The following EFHB variants were observed in gnomAD, a reference collection of about 807,000 sequenced individuals.
EFHB encodes the protein EF-hand domain-containing family member B.
EFHB carries 91 observed loss-of-function variants against 87.2 expected under a neutral mutation model. The observed-to-expected ratio is 1.04, with a 90% CI of 0.88 to 1.24. The LOEUF (loss-of-function observed/expected upper bound fraction) is 1.24. Ranked by LOEUF, EFHB falls within the 50% of genes most tolerant of loss-of-function variation. The pLI is 0.00. For missense variants in EFHB, 1,084 were observed against 998.8 expected (o/e 1.09, Z -1.15); for synonymous variants, 325 against 333.6 (o/e 0.97, Z 0.28).
chr3:19,922,688 G>C (rs1160282603), intron 1 of EFHB, among the ~76,000 whole-genome samples: 2 of 152,060 alleles, frequency 1.3e-5, no homozygotes, highest in Non-Finnish European at 2.9e-5. Context: ...GCTTTCTTGG[G>C]TTCAAATATC....
In EFHB at chr3:19,933,224, A is replaced by T. The variant is rs1228325339; in HGVS notation, c.789+6T>A. ...TAGTTCCTATGGAAAGTGGAAAAAA[A>T]CTTACACTTGGCCAGCAAGGGGTCC... On this transcript the variant is annotated splice_donor_region_variant and intron_variant, in intron 1 of 12. Transcript: ENST00000295824. 2 of 1,609,084 alleles carry T rather than the reference A, an allele frequency of 1.2e-6. No individual in the cohort carries two copies. The highest frequency in any genetic ancestry group is 1.7e-5 in the Admixed American group (1 of 59,206).
At chr3:19,886,484 C>T (rs1009101297) in intron 10 of EFHB, among the ~76,000 whole-genome samples, 3 of 151,794 alleles carry the variant, frequency 2.0e-5, no homozygotes, top group Non-Finnish European at 2.9e-5. Context: ...TGGCTCATGC[C>T]TGTAATCCCA....
At chr3:19,886,472 A>T (rs576541110) in intron 10 of EFHB, among the ~76,000 whole-genome samples, 19 of 152,208 alleles carry the variant, frequency 1.2e-4, no homozygotes, top group African/African-American at 4.3e-4. Context: ...GGCTGGATGC[A>T]GTGGCTCATG....
chr3:19,936,873 TAATAAATAAATA>T (rs71634883), upstream of EFHB, among the ~76,000 whole-genome samples: 231 of 136,678 alleles, frequency 1.7e-3, no homozygotes, highest in South Asian at 5.1e-3. Context: ...CATCTCAAAA[TAATAAATAAATA>T]AATAAATAAA....
intron 1 of EFHB, among the ~76,000 whole-genome samples, chr3:19,943,949 T>C (rs1200736578): frequency 1.3e-5 from 2 of 152,244 alleles, no homozygotes; most frequent in Non-Finnish European, 2.9e-5. Context: ...ACAGACTACT[T>C]CGATATGTAA....
chr3:19,923,633 C>T (rs1695514874), intron 1 of EFHB, among the ~76,000 whole-genome samples: 1 of 152,090 alleles, frequency 6.6e-6, no homozygotes, highest in Non-Finnish European at 1.5e-5. Context: ...CCTTGGCCTC[C>T]CAAAGGGGTG....
At chr3:19,938,973 CT>C (rs1696085604), upstream of EFHB, among the ~76,000 whole-genome samples, 1 of 152,164 alleles carries the variant, frequency 6.6e-6, no homozygotes, top group African/African-American at 2.4e-5. Flanking sequence ...GTGGCACAAT[CT>C]TGGCTCACTG....
At position 19,926,336 on chromosome 3, in the gene EFHB, G is replaced by GT. The variant is rs770385086; in HGVS notation, c.790-5770_790-5769insA. The stretch of plus-strand genomic sequence containing the variant: ...TGTATGGGTTTTTTGGTTTTTTTGG[G>GT]GTTTTTTTTGTTTTTTGGGGTTTTT... On this transcript the variant is annotated intron_variant, in intron 1 of 12. Coordinates refer to ENST00000295824, the MANE Select transcript of EFHB (RefSeq NM_144715.4). 7.8e-4 allele frequency among the ~76,000 whole-genome samples: 51 copies of GT among 65,578 alleles called. 1 individual carries two copies. Among genetic ancestry groups the GT allele is most frequent in the Admixed American group, 2.7e-3 (24 of 8,948 alleles). The allele number at this position is 65,578 out of a possible 152,430, so 43.0% of individuals were successfully genotyped here.
At chr3:19,901,148 C>T (rs1694656874) in intron 6 of EFHB, among the ~76,000 whole-genome samples, 1 of 151,958 alleles carries the variant, frequency 6.6e-6, no homozygotes, top group Non-Finnish European at 1.5e-5. Flanking sequence ...TGGGATTGCA[C>T]TCTGGTAAAA....
At chr3:19,921,448 T>C (rs745801488) in intron 1 of EFHB, among the ~76,000 whole-genome samples, 19 of 152,012 alleles carry the variant, frequency 1.2e-4, no homozygotes, top group African/African-American at 2.4e-4. Flanking sequence ...TGTTTTAATA[T>C]GAATTATTAG....
At chr3:19,907,622 T>C (rs1027535161) in intron 5 of EFHB, among the ~76,000 whole-genome samples, 4 of 152,136 alleles carry the variant, frequency 2.6e-5, no homozygotes, top group African/African-American at 9.7e-5. Context: ...ATTCAAAGGG[T>C]GATTGAGAGC....
intron 6 of EFHB, among the ~76,000 whole-genome samples, chr3:19,900,279 T>C (rs1334154987): frequency 6.6e-6 from 1 of 151,652 alleles, no homozygotes; most frequent in Admixed American, 6.6e-5. Context: ...TAAAAAAATT[T>C]AGCATCAAAT....
At position 19,902,674 on chromosome 3, in the gene EFHB, G is replaced by A. The variant is rs534295593; in HGVS notation, c.1418+2946C>T. On this transcript the variant is annotated intron_variant, in intron 6 of 12. Transcript: ENST00000295824. ...GCCAATAGAGATCCTCTTTTACAGG[G>A]GAAATATATCCCATAAAAGTTGAGA... Among the ~76,000 whole-genome samples, 44 of 151,882 alleles carry A rather than the reference G, an allele frequency of 2.9e-4. 2 individuals carry two copies. Among genetic ancestry groups the A allele is most frequent in the African/African-American group, 9.7e-4 (40 of 41,424 alleles).
At position 19,918,407 on chromosome 3, in the gene EFHB, G is replaced by A. The variant is rs558045464; in HGVS notation, c.1002C>T (p.Asn334=). Residue 334 remains asparagine (N), a synonymous_variant, in exon 4 of 13, where the codon AAC becomes AAT. Transcript: ENST00000295824. ...TAATAGGCTGTGGGTTTATCAATGTGTTTGCCTAAAGAAATCATACAATGC... is the reference window on the plus strand; with the variant it reads ...TAATAGGCTGTGGGTTTATCAATGTATTTGCCTAAAGAAATCATACAATGC... ...GIRSKISVLA[N]TLINPQPITT... 3 of 1,586,118 alleles carry A rather than the reference G, an allele frequency of 1.9e-6. No individual in the cohort carries two copies. The highest frequency in any genetic ancestry group is 4.5e-5 in the East Asian group (2 of 44,490).
At chr3:19,907,850 T>A (rs1401358337) in intron 5 of EFHB, among the ~76,000 whole-genome samples, 1 of 152,164 alleles carries the variant, frequency 6.6e-6, no homozygotes, top group African/African-American at 2.4e-5. Context: ...GTTATTGAAG[T>A]AACAAGAAAT....
chr3:19,881,984 T>C (rs1327121929), intron 12 of EFHB, among the ~76,000 whole-genome samples: 1 of 151,094 alleles, frequency 6.6e-6, no homozygotes, highest in Non-Finnish European at 1.5e-5. Context: ...AAGAGGAACA[T>C]CTCAGATGTG....
At chr3:19,920,646 G>A in intron 1 of EFHB, 79 bp from the exon 2 acceptor site, 1 of 1,155,702 alleles carries the variant, frequency 8.7e-7, no homozygotes, top group South Asian at 1.5e-5. Flanking sequence ...TTTCAAACTT[G>A]TCCTATGCCT....
chr3:19,919,719 G>A lies in EFHB; in HGVS notation c.996+114C>T, dbSNP rs1356258320. On this transcript the variant is annotated intron_variant, in intron 3 of 12. Coordinates refer to ENST00000295824, the MANE Select transcript of EFHB (RefSeq NM_144715.4). ...TGGAAGACAGATTGAGAAAAGCCTA[G>A]TAAAAATATGGGTGGGAAGGAGATT... 4 of 1,105,908 alleles carry A rather than the reference G, an allele frequency of 3.6e-6. No homozygotes were observed. In the East Asian group the frequency reaches 7.2e-5, roughly 20 times the overall value. The allele number at this position is 1,105,908 out of a possible 1,614,324, so 68.5% of individuals were successfully genotyped here.
intron 10 of EFHB, among the ~76,000 whole-genome samples, chr3:19,886,722 T>G (rs550217009): frequency 3.0e-4 from 44 of 147,572 alleles, no homozygotes; most frequent in Non-Finnish European, 5.7e-4. Context: ...AATGAGGTAT[T>G]ATTATAAACC....
Sources: gnomAD v4.1 joint callset for allele counts (sites outside exome capture counted in the v4.1 genomes callset) on GRCh38, gnomAD v4.1.1 for gene constraint, MANE v1.5 for transcripts, NCBI Gene and HGNC (gene_info 2026-07-23, HGNC 2026-07-21) for gene names.